Variants in WDR70 observed in about 807,000 individuals in gnomAD.
WDR70 encodes the protein WD repeat-containing protein 70.
A neutral mutation model predicts 88.6 loss-of-function variants in WDR70; 53 were observed. The ratio of observed to expected loss-of-function variants is 0.60; its 90% CI spans 0.48 to 0.75. The LOEUF (loss-of-function observed/expected upper bound fraction) is 0.75, where lower values mean the gene tolerates loss of function less well. Ranked by LOEUF, WDR70 falls within the 30% of genes least tolerant of loss-of-function variation. WDR70 has a pLI of 0.00. For synonymous variants in WDR70, 280 were observed against 270.0 expected, an observed-to-expected ratio of 1.04 and a Z score of -0.36; for missense variants, 610 against 823.2, an observed-to-expected ratio of 0.74 and a Z score of 3.17.
At chr5:37,660,207 A>G (rs535212869) in intron 10 of WDR70, among the ~76,000 whole-genome samples, 28 of 152,132 alleles carry the variant, frequency 1.8e-4, no homozygotes, top group Non-Finnish European at 3.2e-4. Flanking sequence ...TAAATTTATA[A>G]TGATTTGTTT....
chr5:37,429,173 T>C lies in WDR70; in HGVS notation c.493-8749T>C, dbSNP rs1416685152. On this transcript the variant is annotated intron_variant, in intron 5 of 17. Transcript: ENST00000265107. ...TTTGTGAAGTGTCTGTTCAAATCTT[T>C]TGTCCATTTGAAAAATTAGGTTGCC... Among the ~76,000 whole-genome samples the C allele has an allele frequency of 3.9e-5, 6 of 152,202 alleles. No individual in the cohort carries two copies. The East Asian group carries it at 1.2e-3, about 29-fold the overall frequency.
chr5:37,463,269 A>T (rs1041760247), intron 7 of WDR70, among the ~76,000 whole-genome samples: 2 of 38,760 alleles, frequency 5.2e-5, no homozygotes, highest in Admixed American at 1.0e-3. Flanking sequence ...GAGATTCTGT[A>T]TCGAAAAAAA....
At chr5:37,450,502 G>A (rs946944576) in intron 7 of WDR70, among the ~76,000 whole-genome samples, 2 of 152,144 alleles carry the variant, frequency 1.3e-5, no homozygotes, top group Non-Finnish European at 2.9e-5. Flanking sequence ...CCAGTACTAT[G>A]TTGATTTATT....
intron 7 of WDR70, among the ~76,000 whole-genome samples, chr5:37,450,212 G>A (rs1738632354): frequency 6.6e-6 from 1 of 152,092 alleles, no homozygotes; most frequent in Non-Finnish European, 1.5e-5. Flanking sequence ...AAACATATGT[G>A]TGCATGTGTC....
intron 13 of WDR70, among the ~76,000 whole-genome samples, chr5:37,717,761 G>C (rs1747691342): frequency 6.6e-6 from 1 of 152,202 alleles, no homozygotes; most frequent in South Asian, 2.1e-4. Context: ...CAGGTAGCCA[G>C]CTCTCTGCTA....
chr5:37,467,310 A>G (rs1367502476), intron 7 of WDR70, among the ~76,000 whole-genome samples: 1 of 151,886 alleles, frequency 6.6e-6, no homozygotes, highest in Non-Finnish European at 1.5e-5. Flanking sequence ...AAGTGTTGGC[A>G]AATTATGTTT....
chr5:37,626,523 G>A (rs1050381307), intron 10 of WDR70, among the ~76,000 whole-genome samples: 13 of 152,166 alleles, frequency 8.5e-5, no homozygotes, highest in African/African-American at 2.9e-4. Flanking sequence ...TAGTATTTTG[G>A]TGAAGATTTT....
At chr5:37,530,527 C>T (rs1186000137) in intron 9 of WDR70, among the ~76,000 whole-genome samples, 1 of 151,948 alleles carries the variant, frequency 6.6e-6, no homozygotes, top group Non-Finnish European at 1.5e-5. Flanking sequence ...CTGCTTTAAT[C>T]TGGGAGGGTT....
chr5:37,740,841 C>A (rs925459402), intron 17 of WDR70, among the ~76,000 whole-genome samples: 1 of 152,106 alleles, frequency 6.6e-6, no homozygotes, highest in Non-Finnish European at 1.5e-5. Context: ...GTTTCAAAGC[C>A]CTGTTTTTCT....
At chr5:37,728,774 G>A (rs1355093159) in intron 17 of WDR70, among the ~76,000 whole-genome samples, 1 of 152,062 alleles carries the variant, frequency 6.6e-6, no homozygotes, top group African/African-American at 2.4e-5. Flanking sequence ...GATATTTTAA[G>A]ACTATGCAAA....
chr5:37,722,591 G>T, intron 14 of WDR70: 1 of 427,680 alleles, frequency 2.3e-6, no homozygotes, highest in South Asian at 3.5e-5. Context: ...ATTCCTATAG[G>T]TTTTGTAAAC....
At chr5:37,439,170 G>A (rs895119500) in intron 6 of WDR70, among the ~76,000 whole-genome samples, 3 of 151,862 alleles carry the variant, frequency 2.0e-5, no homozygotes, top group East Asian at 1.9e-4. Flanking sequence ...TTCCTGCCTC[G>A]GCCTCCCAAA....
chr5:37,413,707 C>G (rs111767748), intron 5 of WDR70, among the ~76,000 whole-genome samples: 12 of 132,708 alleles, frequency 9.0e-5, no homozygotes, highest in Admixed American at 4.3e-4. Flanking sequence ...GGCGACAGAG[C>G]GAGACTCTGT....
At chr5:37,525,568 G>A (rs1037526408) in intron 9 of WDR70, among the ~76,000 whole-genome samples, 47 of 152,144 alleles carry the variant, frequency 3.1e-4, no homozygotes, top group Admixed American at 2.3e-3. Flanking sequence ...ACAATTAAAA[G>A]AGCTAGAGAA....
At chr5:37,583,792 T>C (rs1344666650) in intron 9 of WDR70, among the ~76,000 whole-genome samples, 2 of 152,184 alleles carry the variant, frequency 1.3e-5, no homozygotes, top group Non-Finnish European at 2.9e-5. Flanking sequence ...TTAACATACA[T>C]CACATTAGCA....
chr5:37,422,004 G>A (rs966265465), intron 5 of WDR70, among the ~76,000 whole-genome samples: 3 of 151,910 alleles, frequency 2.0e-5, no homozygotes, highest in African/African-American at 7.3e-5. Context: ...CTACTTCTTA[G>A]TTCTGTTACA....
At chr5:37,530,491 G>C (rs1581370767) in intron 9 of WDR70, among the ~76,000 whole-genome samples, 2 of 151,764 alleles carry the variant, frequency 1.3e-5, no homozygotes, top group African/African-American at 4.8e-5. Context: ...GCTTATTATT[G>C]GTCTGTTCAG....
In WDR70 at chr5:37,392,061, T is replaced by G; in HGVS notation, c.237T>G (p.Asp79Glu). The G allele has an allele frequency of 6.2e-7, 1 of 1,613,020 alleles. No homozygotes were observed. The highest frequency in any genetic ancestry group is 1.7e-4 in the Middle Eastern group (1 of 6,060). ...REKELRRQNEDIEPTSSRSNV... is the reference protein window; with the variant it reads ...REKELRRQNEEIEPTSSRSNV... The stretch of plus-strand genomic sequence containing the variant: ...AAGAATTAAGAAGACAAAATGAAGA[T>G]ATTGAGCCAACATCCTCAAGATCAA... Residue 79 changes from aspartate to glutamate, a missense_variant, in exon 4 of 18, where the codon GAT (aspartate) becomes GAG (glutamate). Asp to Glu is a conservative substitution (Grantham distance 45, BLOSUM62 2). Transcript: ENST00000265107.
intron 7 of WDR70, among the ~76,000 whole-genome samples, chr5:37,461,119 A>AAT (rs1554141028): frequency 0.021 from 3,134 of 146,322 alleles, 69 homozygotes; most frequent in African/African-American, 0.057. Context: ...AAAAAAAAAA[A>AAT]AAAAAATAAA....
Sources: gnomAD v4.1 joint callset for allele counts (sites outside exome capture counted in the v4.1 genomes callset) on GRCh38, gnomAD v4.1.1 for gene constraint, MANE v1.5 for transcripts, NCBI Gene and HGNC (gene_info 2026-07-23, HGNC 2026-07-21) for gene names.